Variants in THADA observed in about 807,000 individuals in gnomAD.
The protein encoded by THADA is tRNA (32-2'-O)-methyltransferase regulator THADA.
In THADA, 213 loss-of-function variants were observed where a neutral mutation model predicts 219.8. That is an observed-to-expected ratio of 0.97 (90% CI 0.87 to 1.09). The LOEUF is 1.09. THADA is among the 50% of genes least tolerant of loss of function. The pLI is 0.00. For synonymous variants in THADA, 1,018 were observed against 828.9 expected, an observed-to-expected ratio of 1.23 and a Z score of -3.92; for missense variants, 2,956 against 2,311.3, an observed-to-expected ratio of 1.28 and a Z score of -5.72.
chr2:43,260,124 C>T (rs1230994672), intron 36 of THADA, among the ~76,000 whole-genome samples: 1 of 152,198 alleles, frequency 6.6e-6, no homozygotes, highest in Middle Eastern at 3.2e-3. Flanking sequence ...GCTGGGATTA[C>T]AAGTGCCCGC....
chr2:43,577,365 G>T, intron 9 of THADA, 123 bp from the exon 10 acceptor site: 1 of 736,696 alleles, frequency 1.4e-6, no homozygotes, highest in Non-Finnish European at 2.2e-6. Context: ...TAAATCCAAA[G>T]ATAAAATACC....
chr2:43,315,222 T>G (rs928574610), intron 31 of THADA, among the ~76,000 whole-genome samples: 3 of 152,222 alleles, frequency 2.0e-5, no homozygotes, highest in African/African-American at 7.2e-5. Context: ...TTTAAACATA[T>G]GTATATACAC....
chr2:43,235,944 T>C (rs1370085954), intron 36 of THADA, among the ~76,000 whole-genome samples: 2 of 151,976 alleles, frequency 1.3e-5, no homozygotes, highest in Admixed American at 6.6e-5. Context: ...GTAGCTGGGA[T>C]TACAGGCACC....
chr2:43,328,160 G>C (rs1679546038), intron 30 of THADA, among the ~76,000 whole-genome samples: 1 of 152,130 alleles, frequency 6.6e-6, no homozygotes, highest in South Asian at 2.1e-4. Context: ...GGCACTCTTA[G>C]ACAAACAATA....
intron 26 of THADA, among the ~76,000 whole-genome samples, chr2:43,448,612 C>T (rs148135576): frequency 2.8e-5 from 3 of 107,844 alleles, no homozygotes; most frequent in Admixed American, 2.4e-4. Flanking sequence ...TTCTCTTTTC[C>T]CACTTTCAGA....
At chr2:43,247,960 T>C (rs947750941) in intron 36 of THADA, among the ~76,000 whole-genome samples, 1 of 151,076 alleles carries the variant, frequency 6.6e-6, no homozygotes, top group Admixed American at 6.6e-5. Flanking sequence ...GGAGGATTAC[T>C]GGAGCCTCAG....
chr2:43,267,928 T>A (rs1355548631), intron 36 of THADA, among the ~76,000 whole-genome samples: 1 of 152,182 alleles, frequency 6.6e-6, no homozygotes, highest in Non-Finnish European at 1.5e-5. Context: ...AGAAAGTCCA[T>A]TTCAAGATAC....
At chr2:43,358,884 C>T (rs971766821) in intron 29 of THADA, among the ~76,000 whole-genome samples, 1 of 152,012 alleles carries the variant, frequency 6.6e-6, no homozygotes, top group South Asian at 2.1e-4. Context: ...TCAAAGTAAA[C>T]AAAAGGAAAA....
At chr2:43,238,067 C>G (rs1368226066) in intron 36 of THADA, among the ~76,000 whole-genome samples, 1 of 119,430 alleles carries the variant, frequency 8.4e-6, no homozygotes, top group African/African-American at 3.2e-5. Flanking sequence ...TGCAGTGAGC[C>G]AAGATCGTGC....
intron 21 of THADA, among the ~76,000 whole-genome samples, chr2:43,533,028 T>TA (rs1219877673): frequency 6.6e-6 from 1 of 151,810 alleles, no homozygotes; most frequent in African/African-American, 2.4e-5. Flanking sequence ...GCAAGGAACA[T>TA]AAAAAAATTT....
chr2:43,345,535 G>A (rs1409642188), intron 29 of THADA, among the ~76,000 whole-genome samples: 1 of 152,222 alleles, frequency 6.6e-6, no homozygotes, highest in Non-Finnish European at 1.5e-5. Flanking sequence ...CAAATGTCAT[G>A]CCTTCACCAC....
chr2:43,293,897 T>C (rs1675045207), intron 31 of THADA, among the ~76,000 whole-genome samples: 1 of 152,234 alleles, frequency 6.6e-6, no homozygotes, highest in Non-Finnish European at 1.5e-5. Context: ...GCCAATAGGC[T>C]GGATCACAAA....
chr2:43,468,360 T>C (rs1338104277), intron 26 of THADA, among the ~76,000 whole-genome samples: 8 of 152,228 alleles, frequency 5.3e-5, no homozygotes, highest in Non-Finnish European at 8.8e-5. Context: ...TGAAACACTA[T>C]ATGGAAAAGT....
intron 36 of THADA, among the ~76,000 whole-genome samples, chr2:43,255,705 C>A (rs541383850): frequency 4.5e-4 from 69 of 152,314 alleles, no homozygotes; most frequent in African/African-American, 1.6e-3. Context: ...TTCCCACACA[C>A]CCCGGGAAGC....
intron 30 of THADA, among the ~76,000 whole-genome samples, chr2:43,342,722 A>G (rs1667190444): frequency 6.6e-6 from 1 of 152,208 alleles, no homozygotes; most frequent in South Asian, 2.1e-4. Flanking sequence ...AAAATTATTT[A>G]TACACGTCTT....
chr2:43,496,552 T>A (rs529535966), intron 25 of THADA, among the ~76,000 whole-genome samples: 1 of 152,166 alleles, frequency 6.6e-6, no homozygotes, highest in African/African-American at 2.4e-5. Flanking sequence ...CAGACACATT[T>A]ATACGCTCAG....
chr2:43,447,991 G>A (rs1573698213), intron 26 of THADA, among the ~76,000 whole-genome samples: 1 of 151,980 alleles, frequency 6.6e-6, no homozygotes. Flanking sequence ...GCACTAAGGG[G>A]GAAAGAATAA....
At chr2:43,468,872 G>A (rs1425634887) in intron 26 of THADA, among the ~76,000 whole-genome samples, 1 of 152,132 alleles carries the variant, frequency 6.6e-6, no homozygotes, top group African/African-American at 2.4e-5. Context: ...CCCATTTTAT[G>A]ATTGACCCTG....
At chr2:43,351,141 A>C (rs1345603306) in intron 29 of THADA, among the ~76,000 whole-genome samples, 2 of 152,198 alleles carry the variant, frequency 1.3e-5, no homozygotes, top group Non-Finnish European at 1.5e-5. Context: ...CTCTGCCTCC[A>C]GCACTTATTT....
Sources: gnomAD v4.1 joint callset for allele counts (sites outside exome capture counted in the v4.1 genomes callset) on GRCh38, gnomAD v4.1.1 for gene constraint, MANE v1.5 for transcripts, NCBI Gene and HGNC (gene_info 2026-07-23, HGNC 2026-07-21) for gene names.